RETREG2: variants seen among roughly 807,000 people sequenced by gnomAD.
The protein encoded by RETREG2 is reticulophagy regulator 2.
Under a neutral mutation model 51.6 loss-of-function variants are expected in RETREG2, and 21 were observed. The ratio of observed to expected loss-of-function variants is 0.41; its 90% CI spans 0.29 to 0.59. The LOEUF is 0.59. Ranked by LOEUF, RETREG2 falls within the 20% of genes least tolerant of loss-of-function variation. RETREG2 has a pLI of 0.34. For missense variants in RETREG2, 674 were observed against 646.0 expected, an observed-to-expected ratio of 1.04 and a Z score of -0.47; for synonymous variants, 339 against 288.6, an observed-to-expected ratio of 1.17 and a Z score of -1.77.
intron 6 of RETREG2, 25 bp from the exon 7 acceptor site, chr2:219,181,344 T>A: frequency 6.2e-7 from 1 of 1,611,096 alleles, no homozygotes; most frequent in East Asian, 2.2e-5. Context: ...GCTTGGTCAT[T>A]GCTCTACTAC....
In RETREG2 at chr2:219,181,210, G is replaced by A; in HGVS notation, c.784+5G>A. On this transcript the variant is annotated splice_donor_5th_base_variant and intron_variant, in intron 6 of 8. Transcript: ENST00000430297. ...ATCACAAACACGACAAGAGGAGTAA[G>A]GGGCTGCCCTAAGCCAGGAGGGTGA... 3 of 1,614,074 alleles carry A rather than the reference G, an allele frequency of 1.9e-6. No homozygotes were observed. Among genetic ancestry groups the A allele is most frequent in the Non-Finnish European group, 2.5e-6 (3 of 1,179,988 alleles).
In RETREG2 at chr2:219,182,661, G is replaced by A. The variant is rs1950300176; in HGVS notation, c.*32G>A. The A allele has an allele frequency of 6.2e-7, 1 of 1,607,226 alleles. No homozygotes were observed. On this transcript the variant is annotated 3_prime_UTR_variant, in exon 9 of 9. Coordinates refer to ENST00000430297, the MANE Select transcript of RETREG2 (RefSeq NM_024293.6). ...CGTTGAGGAAGGAGCTGCAGGCACA[G>A]TAGGGCTTCCTGGCTAGGAGTGTTG... is the stretch of plus-strand genomic sequence containing the variant.
At chr2:219,179,283 C>T (rs956879894) in intron 2 of RETREG2, among the ~76,000 whole-genome samples, 1 of 152,218 alleles carries the variant, frequency 6.6e-6, no homozygotes, top group African/African-American at 2.4e-5. Context: ...CTGCCATTTA[C>T]CATTGCTGTG....
Position 219,182,948 on chromosome 2 carries a change from C to A in RETREG2, c.*319C>A. ...TATTCTCATTCCACTATGCCCCAAG[C>A]CCTGGTGGTCTGGCCCTTTCTTTTT... On this transcript the variant is annotated 3_prime_UTR_variant, in exon 9 of 9. Transcript: ENST00000430297. The A allele has an allele frequency of 2.7e-6, 1 of 369,078 alleles. No individual in the cohort carries two copies. The highest frequency in any genetic ancestry group is 5.1e-6 in the Non-Finnish European group (1 of 197,984). 22.9% of individuals were successfully genotyped at this position (369,078 alleles called of 1,614,324 possible). A position where few individuals can be genotyped will look rare whatever the true frequency, so the allele number is the denominator to read the frequency against.
rs1950290534 is a variant in RETREG2, at chr2:219,182,209, C to T, written c.1212C>T (p.Pro404=). Residue 404 remains proline (P), a synonymous_variant, in exon 9 of 9, where the codon CCC becomes CCT. Transcript: ENST00000430297. ...AKETLLRLSS[P]LHFVNTHFNG... is the part of the protein sequence containing the mutation. ...AAACCTTGTTGCGGCTCTCATCCCC[C>T]CTCCACTTTGTGAACACGCACTTCA... 2 of 1,614,052 alleles carry T rather than the reference C, an allele frequency of 1.2e-6. No homozygotes were observed. Among genetic ancestry groups the T allele is most frequent in the African/African-American group, 1.3e-5 (1 of 74,898 alleles).
chr2:219,181,180 C>T lies in RETREG2; in HGVS notation c.759C>T (p.Ala253=), dbSNP rs2293073. Residue 253 remains alanine (A), a synonymous_variant, in exon 6 of 9, where the codon GCC becomes GCT. Coordinates refer to ENST00000430297, the MANE Select transcript of RETREG2 (RefSeq NM_024293.6). ...ACAGCATGAAGGCAGAAGCCAATGCCCTGCATCACAAACACGACAAGAGGA... is the reference window on the plus strand; with the variant it reads ...ACAGCATGAAGGCAGAAGCCAATGCTCTGCATCACAAACACGACAAGAGGA... ...LDYSMKAEAN[A]LHHKHDKRKR... 51,614 of 1,614,030 alleles carry T rather than the reference C, an allele frequency of 0.032. 1,656 individuals carry two copies. Among genetic ancestry groups the T allele is most frequent in the African/African-American group, 0.16 (12,361 of 74,954 alleles).
chr2:219,181,620 C>A lies in RETREG2; in HGVS notation c.880-20C>A. The A allele has an allele frequency of 6.2e-7, 1 of 1,613,244 alleles. No individual in the cohort carries two copies. Among genetic ancestry groups the A allele is most frequent in the South Asian group, 1.1e-5 (1 of 91,046 alleles). ...CTCTTATCCCCTCACATGTCGTGTT[C>A]ATCCTGGTTCTCCTGCCAGGTGGAT... On this transcript the variant is annotated intron_variant, in intron 7 of 8. Transcript: ENST00000430297.
At position 219,181,203 on chromosome 2, in the gene RETREG2, G is replaced by A. The variant is rs373696422; in HGVS notation, c.782G>A (p.Arg261Lys). The change falls in exon 6 of 9, where the codon AGG (arginine) becomes AAG (lysine). Residue 261 changes from arginine to lysine, a missense_variant and splice_region_variant. Transcript: ENST00000430297. ...GCCCTGCATCACAAACACGACAAGA[G>A]GAGTAAGGGGCTGCCCTAAGCCAGG... Reference protein sequence around the residue: ...ANALHHKHDKRKRQGKNAPPG... With the variant: ...ANALHHKHDKKKRQGKNAPPG... 5.6e-6 allele frequency: 9 copies of A among 1,614,090 alleles called. No homozygotes were observed. Among genetic ancestry groups the A allele is most frequent in the Non-Finnish European group, 7.6e-6 (9 of 1,180,024 alleles).
chr2:219,181,753 G>A lies in RETREG2; in HGVS notation c.993G>A (p.Pro331=), dbSNP rs558640997. 2.5e-5 allele frequency: 41 copies of A among 1,613,870 alleles called. No individual in the cohort carries two copies. Among genetic ancestry groups the A allele is most frequent in the African/African-American group, 9.3e-5 (7 of 75,006 alleles). ...TCTCCGTATCCCGGGCCACAACTCC[G>A]CAGCTGACTGATGTCTCCGAGGGTA... ...GGFSVSRATT[P]QLTDVSEDLD... Residue 331 remains proline, a synonymous_variant, in exon 8 of 9, where the codon CCG becomes CCA. Coordinates refer to ENST00000430297, the MANE Select transcript of RETREG2 (RefSeq NM_024293.6).
At position 219,182,535 on chromosome 2, in the gene RETREG2, C is replaced by T. The variant is rs1950297224; in HGVS notation, c.1538C>T (p.Thr513Ile). 2 of 1,614,042 alleles carry T rather than the reference C, an allele frequency of 1.2e-6. No homozygotes were observed. The highest frequency in any genetic ancestry group is 2.2e-5 in the East Asian group (1 of 44,898). Reference sequence around the variant, plus strand: ...GCAGAGCTGGGCTTGGAGCCAGAGACACCGCCAAAACCCCCTGATGCTCCA... The same window carrying T: ...GCAGAGCTGGGCTTGGAGCCAGAGATACCGCCAAAACCCCCTGATGCTCCA... ...LNAELGLEPE[T>I]PPKPPDAPPL... Residue 513 changes from threonine to isoleucine, a missense_variant, in exon 9 of 9, where the codon ACA (threonine) becomes ATA (isoleucine). Physicochemically the swap from Thr to Ile is moderately conservative, Grantham distance 89. Coordinates refer to ENST00000430297, the MANE Select transcript of RETREG2 (RefSeq NM_024293.6).
rs1013634725 is a variant in RETREG2, at chr2:219,181,924, G to A, written c.1016-89G>A. ...CCTAAGGCTTGGCCCAGCTTTCCAT[G>A]TCTTGAGTTCTCATCCTTGAACTCA... is the stretch of plus-strand genomic sequence containing the variant. On this transcript the variant is annotated intron_variant, in intron 8 of 8. Coordinates refer to ENST00000430297, the MANE Select transcript of RETREG2 (RefSeq NM_024293.6). 9 of 1,563,790 alleles carry A rather than the reference G, an allele frequency of 5.8e-6. No individual in the cohort carries two copies. In the African/African-American group the frequency reaches 9.6e-5, roughly 17 times the overall value.
rs1559224153 is a variant in RETREG2 at position 219,184,824 on chromosome 2, G to GTTTTTTTT, written c.*2195_*2196insTTTTTTTT. ...TTGTTTTGGTTTTTTGTTTTTTGTG[G>GTTTTTTTT]GTTTTTTTTTTTTTTTTTTTGAGAC... On this transcript the variant is annotated 3_prime_UTR_variant, in exon 9 of 9. Coordinates refer to ENST00000430297, the MANE Select transcript of RETREG2 (RefSeq NM_024293.6). The GTTTTTTTT allele has an allele frequency of 2.7e-5, 1 of 36,426 alleles. No individual in the cohort carries two copies. The highest frequency in any genetic ancestry group is 9.4e-5 in the Non-Finnish European group (1 of 10,690). 2.3% of individuals were successfully genotyped at this position (36,426 alleles called of 1,614,324 possible). A position where few individuals can be genotyped will look rare whatever the true frequency, so the allele number is the denominator to read the frequency against.
Position 219,182,363 on chromosome 2 carries a change from G to A in RETREG2, c.1366G>A (p.Val456Ile). Residue 456 changes from valine (V) to isoleucine (I), a missense_variant, in exon 9 of 9, where the codon GTT becomes ATT. Val to Ile is a conservative substitution (Grantham distance 29, BLOSUM62 3). Coordinates refer to ENST00000430297, the MANE Select transcript of RETREG2 (RefSeq NM_024293.6). ...PGTLSPPLCL[V>I]GSDPAPSPSI... ...CACCCTGTCACCTCCACTTTGCCTT[G>A]TTGGAAGTGACCCAGCCCCCTCCCC... 6.2e-7 allele frequency: 1 copy of A among 1,614,036 alleles called. No individual in the cohort carries two copies. Among genetic ancestry groups the A allele is most frequent in the Non-Finnish European group, 8.5e-7 (1 of 1,179,990 alleles).
chr2:219,178,673 GGGGA>G, intron 1 of RETREG2, 40 bp downstream of exon 1: 2 of 1,423,306 alleles, frequency 1.4e-6, no homozygotes, highest in Non-Finnish European at 9.1e-7. Context: ...GGGATGAGCG[GGGGA>G]GGGAGGGGTC....
intron 2 of RETREG2, among the ~76,000 whole-genome samples, 182 bp from the exon 3 acceptor site, chr2:219,179,551 T>G (rs1319331655): frequency 6.6e-6 from 1 of 152,214 alleles, no homozygotes; most frequent in Non-Finnish European, 1.5e-5. Flanking sequence ...AATCTAGTTC[T>G]TATGTTGGAG....
At chr2:219,178,745 A>T (rs150316142) in intron 1 of RETREG2, 112 bp downstream of exon 1, 1 of 1,278,346 alleles carries the variant, frequency 7.8e-7, no homozygotes, top group African/African-American at 1.5e-5. Context: ...ACCCATCCCC[A>T]GTTTTTGCAG....
In RETREG2 at chr2:219,181,034, GCT is replaced by G. The variant is rs1402409140; in HGVS notation, c.641-25_641-24del. The G allele has an allele frequency of 1.4e-5, 22 of 1,611,910 alleles. 1 individual carries two copies. In the South Asian group the frequency reaches 2.3e-4, roughly 17 times the overall value. On this transcript the variant is annotated intron_variant, in intron 5 of 8. Coordinates refer to ENST00000430297, the MANE Select transcript of RETREG2 (RefSeq NM_024293.6). ...GGCTCTTAGGAAATTGGCGTAGGGA[GCT>G]CTTAGTTCACGTTCTTAACCCATAG...
chr2:219,181,729 C>T lies in RETREG2; in HGVS notation c.969C>T (p.Phe323=), dbSNP rs755579970. 37 of 1,614,054 alleles carry T rather than the reference C, an allele frequency of 2.3e-5. No homozygotes were observed. The highest frequency in any genetic ancestry group is 3.1e-5 in the Non-Finnish European group (36 of 1,180,012). The change falls in exon 8 of 9, where the codon TTC becomes TTT. Residue 323 remains phenylalanine (F), a synonymous_variant. Transcript: ENST00000430297. Reference sequence around the variant, plus strand: ...CTTCTATCTTGGAGAGTGGTGGCTTCTCCGTATCCCGGGCCACAACTCCGC... The same window carrying T: ...CTTCTATCTTGGAGAGTGGTGGCTTTTCCGTATCCCGGGCCACAACTCCGC... The part of the protein sequence containing the change: ...EEASILESGG[F]SVSRATTPQL...
chr2:219,184,961 G>A lies in RETREG2; in HGVS notation c.*2332G>A, dbSNP rs1950331087. ...CCTGCCTCAGCCGTCCAAGTAGCTG[G>A]GATTACAGGTGCATGCCACGATGCC... On this transcript the variant is annotated 3_prime_UTR_variant, in exon 9 of 9. Transcript: ENST00000430297. 1 of 151,738 alleles carries A rather than the reference G, an allele frequency of 6.6e-6. No homozygotes were observed. Among genetic ancestry groups the A allele is most frequent in the African/African-American group, 2.4e-5 (1 of 41,258 alleles). 9.4% of individuals were successfully genotyped at this position (151,738 alleles called of 1,614,324 possible).
Sources: allele counts gnomAD v4.1 joint callset (sites outside exome capture counted in the v4.1 genomes callset), GRCh38; gene constraint gnomAD v4.1.1; transcripts MANE v1.5; gene names NCBI Gene and HGNC (gene_info 2026-07-23, HGNC 2026-07-21).